CR1L: variants seen among roughly 807,000 people sequenced by gnomAD.
CR1L encodes complement C3b/C4b receptor 1 like.
CR1L carries 59 observed loss-of-function variants against 62.3 expected under a neutral mutation model. The observed-to-expected ratio is 0.95, with a 90% CI of 0.77 to 1.18. The LOEUF (loss-of-function observed/expected upper bound fraction) is 1.18, where lower values mean the gene tolerates loss of function less well. Ranked by LOEUF, CR1L falls within the 50% of genes most tolerant of loss-of-function variation. CR1L has a pLI of 0.00. For missense variants in CR1L, 700 were observed against 702.8 expected, an observed-to-expected ratio of 1.00 and a Z score of 0.04; for synonymous variants, 279 against 248.7, an observed-to-expected ratio of 1.12 and a Z score of -1.15.
chr1:207,669,462 G>T, intron 1 of CR1L: 2 of 1,489,060 alleles, frequency 1.3e-6, no homozygotes, highest in Non-Finnish European at 1.9e-6. Context: ...TCTCTTCTCC[G>T]AGAAGCCGGG....
chr1:207,683,819 G>T (rs1351875530), intron 3 of CR1L, 53 bp from the exon 4 acceptor site: 12 of 1,500,926 alleles, frequency 8.0e-6, no homozygotes, highest in Non-Finnish European at 1.0e-5. Context: ...TAATTTAATT[G>T]GGTAGTTGAC....
At chr1:207,661,214 C>T (rs1020399895) in intron 1 of CR1L, among the ~76,000 whole-genome samples, 3 of 152,102 alleles carry the variant, frequency 2.0e-5, no homozygotes, top group African/African-American at 7.2e-5. Flanking sequence ...AACTTTCTGT[C>T]TCATTGATCG....
intron 1 of CR1L, among the ~76,000 whole-genome samples, chr1:207,662,073 T>C (rs1255901237): frequency 1.3e-5 from 2 of 152,240 alleles, no homozygotes; most frequent in Non-Finnish European, 2.9e-5. Flanking sequence ...CTGGCTGCCC[T>C]TAACATTTTT....
intron 11 of CR1L, among the ~76,000 whole-genome samples, chr1:207,717,998 A>G (rs1365617029): frequency 6.6e-6 from 1 of 152,216 alleles, no homozygotes; most frequent in Non-Finnish European, 1.5e-5. Flanking sequence ...AACAAATGCT[A>G]AAGAATGTAC....
chr1:207,675,359 G>T (rs899336107), intron 1 of CR1L, among the ~76,000 whole-genome samples: 1 of 152,184 alleles, frequency 6.6e-6, no homozygotes, highest in African/African-American at 2.4e-5. Context: ...GTGCGTTCAG[G>T]GTGGTATGGC....
intron 11 of CR1L, among the ~76,000 whole-genome samples, chr1:207,719,158 A>G (rs1179543425): frequency 7.0e-6 from 1 of 143,282 alleles, no homozygotes; most frequent in East Asian, 2.0e-4. Context: ...ACCTAATGCT[A>G]GATGACACGT....
chr1:207,720,446 A>G (rs1342474007), intron 11 of CR1L, among the ~76,000 whole-genome samples: 2 of 152,194 alleles, frequency 1.3e-5, no homozygotes, highest in African/African-American at 2.4e-5. Context: ...GCGGTGGTCC[A>G]GGCTTGGAGT....
At chr1:207,685,100 TA>T (rs1007394107) in intron 4 of CR1L, among the ~76,000 whole-genome samples, 63 of 152,100 alleles carry the variant, frequency 4.1e-4, no homozygotes, top group African/African-American at 1.4e-3. Context: ...TTGGAAATAT[TA>T]AAAAAAATTA....
intron 3 of CR1L, among the ~76,000 whole-genome samples, chr1:207,679,089 C>T (rs564187395): frequency 2.1e-4 from 32 of 150,226 alleles, no homozygotes; most frequent in Non-Finnish European, 3.3e-4. Context: ...CTCCACCTCC[C>T]GGGTTCCTGC....
At position 207,671,858 on chromosome 1, in the gene CR1L, T is replaced by A. The variant is rs543477049; in HGVS notation, c.98-5531T>A. Among the ~76,000 whole-genome samples the A allele has an allele frequency of 2.9e-4, 43 of 150,604 alleles. 3 individuals are homozygous for A. Among genetic ancestry groups the A allele is most frequent in the African/African-American group, 1.1e-3 (43 of 40,112 alleles). ...ATCTCTTGAACCTGGGAGGCAGAGG[T>A]TGCAGTGAGCCGAGATCATGCCACT... On this transcript the variant is annotated intron_variant, in intron 1 of 11. Coordinates refer to ENST00000508064, the MANE Select transcript of CR1L (RefSeq NM_175710.2).
At chr1:207,648,734 T>C (rs1386233312) in intron 1 of CR1L, among the ~76,000 whole-genome samples, 1 of 152,192 alleles carries the variant, frequency 6.6e-6, no homozygotes, top group Non-Finnish European at 1.5e-5. Context: ...CCAAGACCAG[T>C]AAGTTCTTAT....
chr1:207,708,851 T>C, intron 10 of CR1L: 2 of 407,530 alleles, frequency 4.9e-6, no homozygotes, highest in Non-Finnish European at 4.9e-6. Flanking sequence ...GGTGGGAGAA[T>C]AAGTGGGAAC....
intron 1 of CR1L, among the ~76,000 whole-genome samples, chr1:207,645,892 C>A (rs1663116668): frequency 6.6e-6 from 1 of 152,138 alleles, no homozygotes; most frequent in Non-Finnish European, 1.5e-5. Flanking sequence ...GCGTGCTGTG[C>A]GCAAGTGGCC....
Position 207,645,174 on chromosome 1 carries a change from G to T in CR1L, c.-60G>T. On this transcript the variant is annotated 5_prime_UTR_variant, in exon 1 of 12. Transcript: ENST00000508064. The stretch of plus-strand genomic sequence containing the variant: ...GGACTCAGAAGGGACTTCCCTGCTC[G>T]GCTGGCTTTCGGTTTCTCTGCTCAC... 6.4e-7 allele frequency: 1 copy of T among 1,558,868 alleles called. No homozygotes were observed. The highest frequency in any genetic ancestry group is 1.4e-5 in the African/African-American group (1 of 73,834).
intron 11 of CR1L, among the ~76,000 whole-genome samples, chr1:207,718,061 G>A (rs566870566): frequency 1.3e-5 from 2 of 152,330 alleles, no homozygotes; most frequent in African/African-American, 4.8e-5. Context: ...AGATGGATGT[G>A]CTGCGCAAAA....
Position 207,677,464 on chromosome 1 carries a change from G to A in CR1L, c.173G>A (p.Gly58Glu), listed in dbSNP as rs1193806236. ...ACTGATGACTTTGAGTTTCCCATTGGGACATATCTGAACTATGAATGCCGC... is the reference window on the plus strand; with the variant it reads ...ACTGATGACTTTGAGTTTCCCATTGAGACATATCTGAACTATGAATGCCGC... ...NLTDDFEFPI[G>E]TYLNYECRPG... Residue 58 changes from glycine to glutamate, a missense_variant, in exon 2 of 12, where the codon GGG (glycine) becomes GAG (glutamate). Transcript: ENST00000508064. 6.2e-7 allele frequency: 1 copy of A among 1,613,728 alleles called. No homozygotes were observed. Among genetic ancestry groups the A allele is most frequent in the East Asian group, 2.2e-5 (1 of 44,884 alleles).
intron 1 of CR1L, among the ~76,000 whole-genome samples, chr1:207,664,430 T>C (rs561882295): frequency 4.6e-5 from 7 of 152,204 alleles, no homozygotes; most frequent in African/African-American, 9.7e-5. Context: ...ATTTTATAAT[T>C]CCTATAAAAG....
intron 9 of CR1L, among the ~76,000 whole-genome samples, chr1:207,706,161 C>T (rs1402143008): frequency 6.6e-6 from 1 of 151,740 alleles, no homozygotes. Context: ...GTGGCTCACA[C>T]CTGTAATCCC....
At chr1:207,708,154 T>C (rs1467655316) in intron 9 of CR1L, 24 bp from the exon 10 acceptor site, 8 of 1,609,336 alleles carry the variant, frequency 5.0e-6, no homozygotes, top group Admixed American at 1.7e-5. Flanking sequence ...TACAGCACAA[T>C]TATTTTCCAT....
Sources: allele counts gnomAD v4.1 joint callset (sites outside exome capture counted in the v4.1 genomes callset), GRCh38; gene constraint gnomAD v4.1.1; transcripts MANE v1.5; gene names NCBI Gene and HGNC (gene_info 2026-07-23, HGNC 2026-07-21).